FLII: variants seen among roughly 807,000 people sequenced by gnomAD.
FLII encodes FLII actin remodeling protein.
A neutral mutation model predicts 156.2 loss-of-function variants in FLII; 101 were observed. That is an observed-to-expected ratio of 0.65 (90% CI 0.55 to 0.76). The LOEUF (loss-of-function observed/expected upper bound fraction) is 0.76, where lower values mean the gene tolerates loss of function less well. Among genes scored for constraint, FLII ranks in the 30% least tolerant of loss-of-function variants. The pLI is 0.00. For synonymous variants in FLII, 767 were observed against 685.8 expected (o/e 1.12, Z -1.85); for missense variants, 1,675 against 1,682.8 (o/e 1.00, Z 0.08).
At chr17:18,254,256 G>A in intron 6 of FLII, 74 bp from the exon 7 acceptor site, 2 of 1,230,054 alleles carry the variant, frequency 1.6e-6, no homozygotes, top group East Asian at 2.5e-5. Context: ...GGCAGGGCAG[G>A]ACCAAAAGCA....
In FLII at chr17:18,254,184, T is replaced by C. The variant is rs2048349860; in HGVS notation, c.576-2A>G. On this transcript the variant is annotated splice_acceptor_variant, in intron 6 of 29. Coordinates refer to ENST00000327031, the MANE Select transcript of FLII (RefSeq NM_002018.4). LOFTEE classifies it high-confidence loss of function. Reference sequence around the variant, plus strand: ...AGGGCCGTCATCGCTGGGAGCTGCCTGCCAGGGTGACGTGAGTGGTCAGGG... The same window carrying C: ...AGGGCCGTCATCGCTGGGAGCTGCCCGCCAGGGTGACGTGAGTGGTCAGGG... 1.2e-6 allele frequency: 2 copies of C among 1,601,582 alleles called. No homozygotes were observed. The highest frequency in any genetic ancestry group is 1.3e-5 in the African/African-American group (1 of 74,562).
rs1288901136 is a variant in FLII at position 18,248,859 on chromosome 17, C to G, written c.1959G>C (p.Gly653=). 6.2e-7 allele frequency: 1 copy of G among 1,613,832 alleles called. No homozygotes were observed. The highest frequency in any genetic ancestry group is 8.5e-7 in the Non-Finnish European group (1 of 1,179,934). The change falls in exon 17 of 30, where the codon GGG becomes GGC. Residue 653 remains glycine (G), a synonymous_variant. Coordinates refer to ENST00000327031, the MANE Select transcript of FLII (RefSeq NM_002018.4). Reference sequence around the variant, plus strand: ...CCCCCCGCCATACGTAGATGTCTAGCCCTCGGTCCAGCAGGAAAACAAACC... The same window carrying G: ...CCCCCCGCCATACGTAGATGTCTAGGCCTCGGTCCAGCAGGAAAACAAACC... ...DPRFVFLLDR[G]LDIYVWRGAQ...
intron 17 of FLII, 38 bp downstream of exon 17, chr17:18,248,762 C>T: frequency 6.2e-7 from 1 of 1,614,026 alleles, no homozygotes. Flanking sequence ...GCTCACACCC[C>T]TTTCCTTCAC....
At chr17:18,252,887 G>A (rs1249058492) in intron 9 of FLII, among the ~76,000 whole-genome samples, 2 of 152,328 alleles carry the variant, frequency 1.3e-5, no homozygotes, top group East Asian at 1.9e-4. Flanking sequence ...TGGGCCGGGC[G>A]TGGTGGCTCA....
In FLII at chr17:18,249,240, G is replaced by C. The variant is rs745824905; in HGVS notation, c.1860-39C>G. The C allele has an allele frequency of 3.1e-6, 5 of 1,612,256 alleles. No homozygotes were observed. The South Asian group carries it at 3.3e-5, about 11-fold the overall frequency. ...AAGAGTGGCTCAGTGTAGGCACCAA[G>C]GGCCTAACTTAGCCCCAACACCCTC... is the stretch of plus-strand genomic sequence containing the variant. On this transcript the variant is annotated intron_variant, in intron 15 of 29. Coordinates refer to ENST00000327031, the MANE Select transcript of FLII (RefSeq NM_002018.4).
chr17:18,252,337 G>T, intron 10 of FLII, 135 bp downstream of exon 10: 1 of 928,046 alleles, frequency 1.1e-6, no homozygotes, highest in Non-Finnish European at 1.7e-6. Flanking sequence ...ATGCAGGGAG[G>T]TGGGGCCCAC....
At chr17:18,255,501 C>G (rs1044507987) in intron 3 of FLII, among the ~76,000 whole-genome samples, 2 of 152,156 alleles carry the variant, frequency 1.3e-5, no homozygotes, top group Non-Finnish European at 2.9e-5. Context: ...GCACAGGGCC[C>G]TCAGGGAACC....
In FLII at chr17:18,245,857, G is replaced by T. The variant is rs950785815; in HGVS notation, c.3397-7C>A. 1 of 1,613,808 alleles carries T rather than the reference G, an allele frequency of 6.2e-7. No individual in the cohort carries two copies. Among genetic ancestry groups the T allele is most frequent in the African/African-American group, 1.3e-5 (1 of 74,848 alleles). On this transcript the variant is annotated splice_region_variant and splice_polypyrimidine_tract_variant and intron_variant, in intron 26 of 29. Transcript: ENST00000327031. ...CCTCACCTTCGTTGATAACCTGCGG[G>T]AAAGGCCAGTCCAGCCCAGGGCCCC... is the stretch of plus-strand genomic sequence containing the variant.
chr17:18,247,616 C>T (rs1255201610), intron 20 of FLII, 41 bp downstream of exon 20: 2 of 1,507,226 alleles, frequency 1.3e-6, no homozygotes, highest in East Asian at 2.4e-5. Flanking sequence ...TGTCAGGGTG[C>T]GAAGGATCCT....
At position 18,250,884 on chromosome 17, in the gene FLII, C is replaced by A. The variant is rs770614945; in HGVS notation, c.1730G>T (p.Arg577Leu). The A allele has an allele frequency of 3.7e-6, 6 of 1,614,034 alleles. No homozygotes were observed. Among genetic ancestry groups the A allele is most frequent in the Non-Finnish European group, 5.1e-6 (6 of 1,179,984 alleles). Residue 577 changes from arginine to leucine, a missense_variant, in exon 14 of 30, where the codon CGC (arginine) becomes CTC (leucine). Arg to Leu is a moderately radical substitution (Grantham distance 102). Transcript: ENST00000327031. ...ATCGCCCATCTCCTCCCGGACAGTGCGGCACTCAGCACCCAGGTAGTTGCG... is the reference window on the plus strand; with the variant it reads ...ATCGCCCATCTCCTCCCGGACAGTGAGGCACTCAGCACCCAGGTAGTTGCG... ...NLRNYLGAEC[R>L]TVREEMGDES...
intron 9 of FLII, 103 bp from the exon 10 acceptor site, chr17:18,252,659 G>A: frequency 1.2e-6 from 1 of 865,992 alleles, no homozygotes; most frequent in Non-Finnish European, 2.0e-6. Flanking sequence ...AGGGTCAGAG[G>A]AACTGGCGGG....
intron 2 of FLII, 145 bp downstream of exon 2, chr17:18,256,764 G>A (rs1597925449): frequency 2.6e-6 from 2 of 781,826 alleles, no homozygotes; most frequent in Non-Finnish European, 4.2e-6. Flanking sequence ...ACACCTCCCT[G>A]GACAGGGTGC....
intron 3 of FLII, among the ~76,000 whole-genome samples, 153 bp from the exon 4 acceptor site, chr17:18,255,416 G>GATCAAAT (rs1361686437): frequency 2.0e-5 from 3 of 152,004 alleles, no homozygotes; most frequent in African/African-American, 7.3e-5. Flanking sequence ...CCCTCTCCTG[G>GATCAAAT]AGCGCTCTTC....
chr17:18,246,853 AG>A (rs1418862204), intron 22 of FLII, 25 bp from the exon 23 acceptor site: 3 of 1,613,868 alleles, frequency 1.9e-6, no homozygotes, highest in South Asian at 1.1e-5. Context: ...GGTTGTGAGC[AG>A]GGGCTCGAGC....
In FLII at chr17:18,252,113, T is replaced by C. The variant is rs769094876; in HGVS notation, c.1132A>G (p.Met378Val). ...GCACGGTCTGCGGGCTTGGGCGGCA[T>C]GACCAGGTTGGGGTTCTCCCGCACA... ...LDVRENPNLV[M>V]PPKPADRAAE... The change falls in exon 11 of 30, where the codon ATG becomes GTG. Residue 378 changes from methionine (M) to valine (V), a missense_variant. Physicochemically the swap from Met to Val is conservative, Grantham distance 21. This residue lies in a region of FLII where 1,332 missense variants were observed against 1,269.3 expected (regional missense o/e 1.05). Transcript: ENST00000327031. 6.2e-7 allele frequency: 1 copy of C among 1,613,376 alleles called. No homozygotes were observed. Among genetic ancestry groups the C allele is most frequent in the Admixed American group, 1.7e-5 (1 of 60,026 alleles).
rs765905665 is a variant in FLII, at chr17:18,247,815, T to G, written c.2329A>C (p.Ile777Leu). Residue 777 changes from isoleucine to leucine, a missense_variant, in exon 20 of 30, where the codon ATT becomes CTT. Physicochemically the swap from Ile to Leu is conservative, Grantham distance 5. Transcript: ENST00000327031. ...QSLLDTRCVY[I>L]LDCWSDVFIW... Reference sequence around the variant, plus strand: ...AACACGTCGGACCAACAGTCCAGAATGTACACGCAGCGCGTGTCCAGCAGA... The same window carrying G: ...AACACGTCGGACCAACAGTCCAGAAGGTACACGCAGCGCGTGTCCAGCAGA... 3.1e-4 allele frequency: 507 copies of G among 1,613,414 alleles called. No homozygotes were observed. Among genetic ancestry groups the G allele is most frequent in the South Asian group, 1.2e-3 (113 of 91,078 alleles).
chr17:18,247,121 C>CGGGCGGG, intron 21 of FLII, 48 bp downstream of exon 21: 1 of 1,398,094 alleles, frequency 7.2e-7, no homozygotes, highest in Non-Finnish European at 9.4e-7. Flanking sequence ...CGCCCTCGGC[C>CGGGCGGG]TGCCCCCCAC....
chr17:18,252,015 C>T lies in FLII; in HGVS notation c.1230G>A (p.Val410=). 6.2e-7 allele frequency: 1 copy of T among 1,613,000 alleles called. No homozygotes were observed. Residue 410 remains valine, a synonymous_variant, in exon 11 of 30, where the codon GTG becomes GTA. Transcript: ENST00000327031. ...LRLAGASPAT[V]AAAAAAGSGP... ...CCCACTCACCAGCTGCAGCTGCAGC[C>T]ACGGTAGCAGGAGAGGCACCCGCTA...
rs1413753162 is a variant in FLII, at chr17:18,254,589, C to T, written c.507G>A (p.Gln169=). Residue 169 remains glutamine, a synonymous_variant, in exon 6 of 30, where the codon CAG becomes CAA. Transcript: ENST00000327031. ...TCTGCAGGTGCACCAGGCGGCGCAT[C>T]TGCGGGGGCAGGCTCTCCAGGCGGT... ...SENRLESLPP[Q]MRRLVHLQTL... 3.1e-6 allele frequency: 5 copies of T among 1,613,868 alleles called. No homozygotes were observed. The highest frequency in any genetic ancestry group is 3.4e-6 in the Non-Finnish European group (4 of 1,179,954).
Sources: allele counts gnomAD v4.1 joint callset (sites outside exome capture counted in the v4.1 genomes callset), GRCh38; gene constraint gnomAD v4.1.1; regional missense constraint gnomAD v4.1.1; transcripts MANE v1.5; gene names NCBI Gene and HGNC (gene_info 2026-07-23, HGNC 2026-07-21).